Variants in CC2D2B observed in about 807,000 individuals in gnomAD.
CC2D2B encodes the protein coiled-coil and C2 domain containing 2B, also known as protein CC2D2B.
In CC2D2B, 128 loss-of-function variants were observed where a neutral mutation model predicts 161.2. That is an observed-to-expected ratio of 0.79 (90% confidence interval 0.69 to 0.92). CC2D2B has a LOEUF of 0.92. CC2D2B is among the 40% of genes least tolerant of loss of function. CC2D2B has a pLI of 0.00. For synonymous variants in CC2D2B, 391 were observed against 449.8 expected (o/e 0.87, Z 1.65); for missense variants, 1,173 against 1,375.1 (o/e 0.85, Z 2.32).
At chr10:96,003,587 TG>T (rs1437169879) in intron 24 of CC2D2B, among the ~76,000 whole-genome samples, 13 of 868 alleles carry the variant, frequency 0.015, no homozygotes, top group Non-Finnish European at 0.058. Context: ...CCCGGCTAAT[TG>T]TGTGTGTGTG....
At position 96,019,760 on chromosome 10, in the gene CC2D2B, A is replaced by G; in HGVS notation, c.3824A>G (p.Lys1275Arg). 6.2e-7 allele frequency: 1 copy of G among 1,604,586 alleles called. No homozygotes were observed. The highest frequency in any genetic ancestry group is 8.5e-7 in the Non-Finnish European group (1 of 1,177,290). Residue 1275 changes from lysine to arginine, a missense_variant, in exon 32 of 35, where the codon AAG becomes AGG. Lys to Arg is a conservative substitution (Grantham distance 26). Around this residue, in one of 3 missense-constraint regions of CC2D2B, gnomAD observed 598 missense variants for 693.2 expected, o/e 0.86. Coordinates refer to ENST00000646931, the MANE Select transcript of CC2D2B (RefSeq NM_001349008.3). ...TPMAVFFDYS[K>R]ESFWKQLLPK... The stretch of plus-strand genomic sequence containing the variant: ...ATGGCTGTATTTTTTGACTATTCAA[A>G]GGAAAGTTTCTGGAAGCAGTTGCTT...
At chr10:95,937,741 A>G (rs1482324643) in intron 6 of CC2D2B, among the ~76,000 whole-genome samples, 5 of 152,286 alleles carry the variant, frequency 3.3e-5, no homozygotes, top group African/African-American at 9.6e-5. Context: ...AGGAAGGGCT[A>G]TTTCAGCAGT....
intron 15 of CC2D2B, among the ~76,000 whole-genome samples, chr10:95,971,395 A>G (rs1164017507): frequency 6.6e-6 from 1 of 151,750 alleles, no homozygotes; most frequent in Non-Finnish European, 1.5e-5. Context: ...CCTCAAAAAA[A>G]AAAAAAAAAG....
chr10:95,979,187 T>TC, intron 17 of CC2D2B, among the ~76,000 whole-genome samples: 1 of 151,428 alleles, frequency 6.6e-6, no homozygotes, highest in Non-Finnish European at 1.5e-5. Flanking sequence ...TTTTTTTTTT[T>TC]CCTCTCTCTC....
chr10:95,985,309 G>A (rs533989593), intron 19 of CC2D2B, among the ~76,000 whole-genome samples: 10 of 152,158 alleles, frequency 6.6e-5, no homozygotes, highest in African/African-American at 9.7e-5. Context: ...AAATTGTTGC[G>A]GGAAGTCAGG....
chr10:95,936,689 T>G (rs1564597908), intron 6 of CC2D2B, among the ~76,000 whole-genome samples: 2 of 152,128 alleles, frequency 1.3e-5, no homozygotes, highest in Non-Finnish European at 2.9e-5. Flanking sequence ...CAGGTAGGAC[T>G]TGTATTGGTC....
rs963619154 is a variant in CC2D2B at position 96,027,215 on chromosome 10, C to T, written c.3951C>T (p.Ile1317=). ...TACCTTTGGATTCTTACCTTAGGAT[C>T]GAAAGGACTCTGAAGAGTAAAGTGA... The part of the protein sequence containing the change: ...KSMVEDLRNR[I]ERTLKSKVME... Residue 1317 remains isoleucine (I), a synonymous_variant, in exon 34 of 35, where the codon ATC becomes ATT. Coordinates refer to ENST00000646931, the MANE Select transcript of CC2D2B (RefSeq NM_001349008.3). 5.9e-6 allele frequency: 9 copies of T among 1,522,562 alleles called. No individual in the cohort carries two copies. The highest frequency in any genetic ancestry group is 5.6e-5 in the African/African-American group (4 of 71,668). 94.3% of individuals were successfully genotyped at this position (1,522,562 alleles called of 1,614,324 possible).
chr10:95,942,515 CTTTTA>C (rs1306697417), intron 9 of CC2D2B, among the ~76,000 whole-genome samples: 2 of 151,960 alleles, frequency 1.3e-5, no homozygotes, highest in Non-Finnish European at 2.9e-5. Context: ...CCCTTTATTT[CTTTTA>C]TATGTTTAAA....
intron 33 of CC2D2B, among the ~76,000 whole-genome samples, chr10:96,025,235 G>T: frequency 8.6e-6 from 1 of 116,638 alleles, no homozygotes; most frequent in Non-Finnish European, 1.7e-5. Context: ...GGGCATGATG[G>T]CATATACCTG....
intron 11 of CC2D2B, among the ~76,000 whole-genome samples, chr10:95,957,843 G>T (rs1366324719): frequency 6.7e-6 from 1 of 150,118 alleles, no homozygotes; most frequent in Non-Finnish European, 1.5e-5. Flanking sequence ...TTACAGGTGT[G>T]AGCCACCACA....
Position 95,996,229 on chromosome 10 carries a change from T to G in CC2D2B, c.2826T>G (p.Asn942Lys). The stretch of plus-strand genomic sequence containing the variant: ...CAAGTGGATCTCATCCATGCTGGAA[T>G]GAAGAAATTAAAGTAGATTTTGTGT... ...NTASGSHPCWNEEIKVDFVSP... is the reference protein window; with the variant it reads ...NTASGSHPCWKEEIKVDFVSP... The change falls in exon 24 of 35, where the codon AAT becomes AAG. Residue 942 changes from asparagine to lysine, a missense_variant. Transcript: ENST00000646931. 6.7e-7 allele frequency: 1 copy of G among 1,490,892 alleles called. No individual in the cohort carries two copies. Among genetic ancestry groups the G allele is most frequent in the Non-Finnish European group, 9.0e-7 (1 of 1,115,838 alleles). The allele number at this position is 1,490,892 out of a possible 1,614,324, so 92.4% of individuals were successfully genotyped here. A position where few individuals can be genotyped will look rare whatever the true frequency, so the allele number is the denominator to read the frequency against.
In CC2D2B at chr10:96,025,155, ATAT is replaced by A. The variant is rs1462782565; in HGVS notation, c.3947+245_3947+247del. On this transcript the variant is annotated intron_variant, in intron 33 of 34. Coordinates refer to ENST00000646931, the MANE Select transcript of CC2D2B (RefSeq NM_001349008.3). ...GAGACGTCATCTCTACTAAAAAAAA[ATAT>A]ATATATATATATATATATATATATA... 1.6e-3 allele frequency among the ~76,000 whole-genome samples: 68 copies of A among 41,418 alleles called. 6 individuals are homozygous for A. The South Asian group carries it at 0.028, about 17-fold the overall frequency. 27.2% of individuals were successfully genotyped at this position (41,418 alleles called of 152,430 possible).
intron 19 of CC2D2B, among the ~76,000 whole-genome samples, chr10:95,987,768 A>G (rs1009726653): frequency 1.1e-4 from 17 of 152,186 alleles, no homozygotes; most frequent in Non-Finnish European, 2.2e-4. Flanking sequence ...TGACAGAGGC[A>G]TTATTATTAT....
At chr10:95,967,258 A>C (rs1331219828) in intron 14 of CC2D2B, among the ~76,000 whole-genome samples, 2 of 152,160 alleles carry the variant, frequency 1.3e-5, no homozygotes, top group Non-Finnish European at 1.5e-5. Flanking sequence ...TTTATTATGT[A>C]GGACACCCAT....
intron 17 of CC2D2B, among the ~76,000 whole-genome samples, chr10:95,980,561 G>C: frequency 6.6e-6 from 1 of 152,186 alleles, no homozygotes; most frequent in Non-Finnish European, 1.5e-5. Context: ...ACATGATGGT[G>C]TAAAGGGTGT....
rs530846027 is a variant in CC2D2B at position 95,924,021 on chromosome 10, C to CA, written c.98-285dup. 1.1e-3 allele frequency among the ~76,000 whole-genome samples: 159 copies of CA among 147,336 alleles called. No homozygotes were observed. The East Asian group carries it at 0.014, about 13-fold the overall frequency. ...GGGTGACAAGAGCAAAACTCTGTCT[C>CA]AAAAAAAATAAAAAAAATAAAAAAG... On this transcript the variant is annotated intron_variant, in intron 3 of 34. Coordinates refer to ENST00000646931, the MANE Select transcript of CC2D2B (RefSeq NM_001349008.3).
intron 1 of CC2D2B, among the ~76,000 whole-genome samples, chr10:95,908,653 TG>T (rs2098500453): frequency 6.6e-6 from 1 of 152,024 alleles, no homozygotes; most frequent in Non-Finnish European, 1.5e-5. Context: ...GCGGCTTAGA[TG>T]GGGAAGTGAT....
intron 17 of CC2D2B, among the ~76,000 whole-genome samples, chr10:95,980,746 A>C (rs1312440777): frequency 6.6e-6 from 1 of 152,204 alleles, no homozygotes; most frequent in African/African-American, 2.4e-5. Flanking sequence ...TCATCAAAGA[A>C]ATATGAACAA....
chr10:95,924,426 C>A, intron 4 of CC2D2B, 36 bp downstream of exon 4: 1 of 1,170,502 alleles, frequency 8.5e-7, no homozygotes, highest in Non-Finnish European at 1.2e-6. Flanking sequence ...TTCAAATTTA[C>A]TATTTAAATG....
Sources: gnomAD v4.1 joint callset for allele counts (sites outside exome capture counted in the v4.1 genomes callset) on GRCh38, gnomAD v4.1.1 for gene constraint, gnomAD v4.1.1 regional missense constraint, MANE v1.5 for transcripts, NCBI Gene and HGNC (gene_info 2026-07-23, HGNC 2026-07-21) for gene names.